SLC30A3: variants seen among roughly 807,000 people sequenced by gnomAD.
SLC30A3 encodes probable proton-coupled zinc antiporter SLC30A3.
SLC30A3 carries 20 observed loss-of-function variants against 35.6 expected under a neutral mutation model. The observed-to-expected ratio is 0.56, with a 90% CI of 0.39 to 0.82. The LOEUF (loss-of-function observed/expected upper bound fraction) is 0.82, where lower values mean the gene tolerates loss of function less well. Among genes scored for constraint, SLC30A3 ranks in the 40% least tolerant of loss-of-function variants. SLC30A3 has a pLI of 0.00. For synonymous variants in SLC30A3, 217 were observed against 224.7 expected (o/e 0.97, Z 0.31); for missense variants, 401 against 530.6 (o/e 0.76, Z 2.40).
At position 27,257,367 on chromosome 2, in the gene SLC30A3, G is replaced by A; in HGVS notation, c.579-15C>T. Reference sequence around the variant, plus strand: ...CAAAGGCCATTCTGAGGGGTAAGCAGAGCACCTCAGCCTAGGGCCCTGCTC... The same window carrying A: ...CAAAGGCCATTCTGAGGGGTAAGCAAAGCACCTCAGCCTAGGGCCCTGCTC... On this transcript the variant is annotated splice_polypyrimidine_tract_variant and intron_variant, in intron 4 of 7. Coordinates refer to ENST00000233535, the MANE Select transcript of SLC30A3 (RefSeq NM_003459.5). The surrounding 1 kb of genome is among the most constrained non-coding windows in gnomAD (Gnocchi z 4.7). 1.3e-6 allele frequency: 2 copies of A among 1,596,076 alleles called. No individual in the cohort carries two copies. The highest frequency in any genetic ancestry group is 3.5e-5 in the Admixed American group (2 of 57,312).
chr2:27,258,831 G>A lies in SLC30A3; in HGVS notation c.199C>T (p.Pro67Ser). ...TGCCTCCGTGCATGCAGCCTCTCAG[G>A]GGTAAGGCCCGGCGGCGGAAGGGGG... ...RDPLPPPGLT[P>S]ERLHARRQLY... Residue 67 changes from proline to serine, a missense_variant, in exon 2 of 8, where the codon CCT (proline) becomes TCT (serine). Pro to Ser is a moderately conservative substitution (Grantham distance 74). Coordinates refer to ENST00000233535, the MANE Select transcript of SLC30A3 (RefSeq NM_003459.5). This position sits in a 1 kb window ranked among gnomAD's most constrained non-coding sequence, Gnocchi z 4.0. 6.2e-7 allele frequency: 1 copy of A among 1,614,232 alleles called. No homozygotes were observed. Among genetic ancestry groups the A allele is most frequent in the Non-Finnish European group, 8.5e-7 (1 of 1,180,030 alleles).
Position 27,262,804 on chromosome 2 carries a change from T to C in SLC30A3, c.95+8A>G. ...CCCGGGCCGAGGGCCAGCCCAGGTC[T>C]GTCCTACCTCTTCAAACGCAGGCTG... On this transcript the variant is annotated splice_region_variant and intron_variant, in intron 1 of 7. Transcript: ENST00000233535. The surrounding 1 kb of genome is among the most constrained non-coding windows in gnomAD (Gnocchi z 7.5). The C allele has an allele frequency of 6.4e-7, 1 of 1,558,876 alleles. No individual in the cohort carries two copies. The highest frequency in any genetic ancestry group is 8.6e-7 in the Non-Finnish European group (1 of 1,158,016).
chr2:27,260,884 C>T (rs535728822), intron 1 of SLC30A3, among the ~76,000 whole-genome samples: 6 of 152,234 alleles, frequency 3.9e-5, no homozygotes, highest in South Asian at 2.1e-4. Flanking sequence ...GCTGTGAAAC[C>T]GATCCTCATT....
chr2:27,258,094 T>C lies in SLC30A3; in HGVS notation c.425-36A>G, dbSNP rs747811912. ...GGGGGGAGACAAGCTGTCAGAGACCTGCTTGGGACCCTGACGGGTGCCCTC... is the reference window on the plus strand; with the variant it reads ...GGGGGGAGACAAGCTGTCAGAGACCCGCTTGGGACCCTGACGGGTGCCCTC... On this transcript the variant is annotated intron_variant, in intron 3 of 7. Transcript: ENST00000233535. This position sits in a 1 kb window ranked among gnomAD's most constrained non-coding sequence, Gnocchi z 4.0. 1 of 1,611,344 alleles carries C rather than the reference T, an allele frequency of 6.2e-7. No individual in the cohort carries two copies. The highest frequency in any genetic ancestry group is 1.1e-5 in the South Asian group (1 of 91,028).
chr2:27,255,248 A>G lies in SLC30A3; in HGVS notation c.*64T>C, dbSNP rs902577359. Reference sequence around the variant, plus strand: ...TCGGTCCCGTCTCTGTGATCAGGGCAGCAGATGCTGAGAGTCTGGGGCTGA... The same window carrying G: ...TCGGTCCCGTCTCTGTGATCAGGGCGGCAGATGCTGAGAGTCTGGGGCTGA... On this transcript the variant is annotated 3_prime_UTR_variant, in exon 8 of 8. Coordinates refer to ENST00000233535, the MANE Select transcript of SLC30A3 (RefSeq NM_003459.5). The surrounding 1 kb of genome is among the most constrained non-coding windows in gnomAD (Gnocchi z 5.2). 1 of 1,610,250 alleles carries G rather than the reference A, an allele frequency of 6.2e-7. No individual in the cohort carries two copies. Among genetic ancestry groups the G allele is most frequent in the Non-Finnish European group, 8.5e-7 (1 of 1,178,076 alleles).
upstream of SLC30A3, chr2:27,263,164 G>A (rs751008812): frequency 9.6e-7 from 1 of 1,040,344 alleles, no homozygotes. Flanking sequence ...CTTAAGCCCC[G>A]CCCCCACTGC....
upstream of SLC30A3, among the ~76,000 whole-genome samples, chr2:27,264,677 G>A (rs185067041): frequency 3.0e-4 from 45 of 148,766 alleles, no homozygotes; most frequent in East Asian, 8.3e-3. The surrounding 1 kb of genome is among the most constrained non-coding windows in gnomAD (Gnocchi z 6.1). Flanking sequence ...AAGCCCATGA[G>A]GGGTGAGGGG....
chr2:27,263,516 G>C (rs1488124748), upstream of SLC30A3: 1 of 288,030 alleles, frequency 3.5e-6, no homozygotes, highest in Non-Finnish European at 7.3e-6. Context: ...GGAGATTCCA[G>C]GGACTCCAGA....
Position 27,257,785 on chromosome 2 carries a change from T to C in SLC30A3, c.578+120A>G, listed in dbSNP as rs1676949083. 3.0e-6 allele frequency: 3 copies of C among 1,009,782 alleles called. No homozygotes were observed. Among genetic ancestry groups the C allele is most frequent in the East Asian group, 2.6e-5 (1 of 38,196 alleles). 62.6% of individuals were successfully genotyped at this position (1,009,782 alleles called of 1,614,324 possible). ...TCTCAGGCACACGCAGGGCAGCCCA[T>C]GGAGAGCTGTGTGTGCGTGTCTGTG... is the stretch of plus-strand genomic sequence containing the variant. On this transcript the variant is annotated intron_variant, in intron 4 of 7. Coordinates refer to ENST00000233535, the MANE Select transcript of SLC30A3 (RefSeq NM_003459.5). This position sits in a 1 kb window ranked among gnomAD's most constrained non-coding sequence, Gnocchi z 4.7.
chr2:27,261,060 C>T (rs1019465748), intron 1 of SLC30A3, among the ~76,000 whole-genome samples: 1 of 152,080 alleles, frequency 6.6e-6, no homozygotes, highest in South Asian at 2.1e-4. Context: ...ACAGCGGGCT[C>T]GGAGAACTTC....
chr2:27,275,121 C>G, intron 1 of SLC30A3: 1 of 1,210,048 alleles, frequency 8.3e-7, no homozygotes. Context: ...GCCCTAAGTC[C>G]TGAAGACAAC....
Position 27,255,324 on chromosome 2 carries a change from G to A in SLC30A3, c.1155C>T (p.Pro385=). ...GCAGGGCCATGGCTCAGGCTTGGGGGGGTTCCTGGCAGCGCAGGCACTGGG... is the reference window on the plus strand; with the variant it reads ...GCAGGGCCATGGCTCAGGCTTGGGGAGGTTCCTGGCAGCGCAGGCACTGGG... The part of the protein sequence containing the change: ...EMAQCLRCQE[P]PQA Residue 385 remains proline (P), a synonymous_variant, in exon 8 of 8, where the codon CCC becomes CCT. Transcript: ENST00000233535. This position sits in a 1 kb window ranked among gnomAD's most constrained non-coding sequence, Gnocchi z 5.2. 1 of 1,614,096 alleles carries A rather than the reference G, an allele frequency of 6.2e-7. No individual in the cohort carries two copies. Among genetic ancestry groups the A allele is most frequent in the Non-Finnish European group, 8.5e-7 (1 of 1,180,020 alleles).
chr2:27,262,822 G>T lies in SLC30A3; in HGVS notation c.85C>A (p.Arg29Ser), dbSNP rs137864061. ...RDRGGAGGSLRLKSLFTEPSE... is the reference protein window; with the variant it reads ...RDRGGAGGSLSLKSLFTEPSE... ...CCAGGTCTGTCCTACCTCTTCAAAC[G>T]CAGGCTGCCTCCGGCGCCACCGCGG... is the stretch of plus-strand genomic sequence containing the variant. Residue 29 changes from arginine to serine, a missense_variant, in exon 1 of 8, where the codon CGT becomes AGT. Arg to Ser is a moderately radical substitution (Grantham distance 110, BLOSUM62 -1). Transcript: ENST00000233535. This position sits in a 1 kb window ranked among gnomAD's most constrained non-coding sequence, Gnocchi z 7.5. 2 of 1,566,894 alleles carry T rather than the reference G, an allele frequency of 1.3e-6. No individual in the cohort carries two copies. Among genetic ancestry groups the T allele is most frequent in the African/African-American group, 1.4e-5 (1 of 70,276 alleles).
rs1677739924 is a variant in SLC30A3, at chr2:27,271,875, CTG to C, written c.-159+3300_-159+3301del. 6.6e-6 allele frequency among the ~76,000 whole-genome samples: 1 copy of C among 152,232 alleles called. No individual in the cohort carries two copies. Among genetic ancestry groups the C allele is most frequent in the African/African-American group, 2.4e-5 (1 of 41,470 alleles). Reference sequence around the variant, plus strand: ...TAACGGCTATTTCAAGAGCCATGAACTGTGATTAGTTAGAATGTCAGAGGGCC... The same window carrying C: ...TAACGGCTATTTCAAGAGCCATGAACTGATTAGTTAGAATGTCAGAGGGCC... On this transcript the variant is annotated intron_variant, in intron 1 of 5. Transcript: ENST00000424577. The surrounding 1 kb of genome is among the most constrained non-coding windows in gnomAD (Gnocchi z 4.3).
intron 1 of SLC30A3, among the ~76,000 whole-genome samples, chr2:27,259,237 GT>G (rs1480532131): frequency 6.6e-6 from 1 of 152,176 alleles, no homozygotes; most frequent in East Asian, 1.9e-4. Flanking sequence ...GCTCACACCT[GT>G]AATCCCAGCA....
upstream of SLC30A3, among the ~76,000 whole-genome samples, chr2:27,265,900 G>A (rs1319114152): frequency 6.6e-6 from 1 of 152,150 alleles, no homozygotes; most frequent in Non-Finnish European, 1.5e-5. The surrounding 1 kb of genome is among the most constrained non-coding windows in gnomAD (Gnocchi z 5.9). Flanking sequence ...TAGTTGAGTG[G>A]AAGCAGGATG....
At chr2:27,269,208 C>CTTTTTTT (rs368309600) in intron 1 of SLC30A3, among the ~76,000 whole-genome samples, 1 of 127,914 alleles carries the variant, frequency 7.8e-6, no homozygotes, top group Admixed American at 8.3e-5. Context: ...CTTTTTCTTT[C>CTTTTTTT]TTTTTTTTTT....
At position 27,262,812 on chromosome 2, in the gene SLC30A3, C is replaced by T. The variant is rs1285387509; in HGVS notation, c.95G>A (p.Ser32Asn). The change falls in exon 1 of 8, where the codon AGT (serine) becomes AAT (asparagine). Residue 32 changes from serine (S) to asparagine (N), a missense_variant and splice_region_variant. By Grantham distance (46) the Ser-to-Asn change is conservative (BLOSUM62 1). This residue lies in a region of SLC30A3 where 103 missense variants were observed against 120.7 expected (regional missense o/e 0.85). Transcript: ENST00000233535. The surrounding 1 kb of genome is among the most constrained non-coding windows in gnomAD (Gnocchi z 7.5). ...GGAGGSLRLK[S>N]LFTEPSEPLP... ...GAGGGCCAGCCCAGGTCTGTCCTAC[C>T]TCTTCAAACGCAGGCTGCCTCCGGC... 1.3e-6 allele frequency: 2 copies of T among 1,568,150 alleles called. No homozygotes were observed. Among genetic ancestry groups the T allele is most frequent in the African/African-American group, 1.4e-5 (1 of 70,400 alleles).
chr2:27,265,407 T>A (rs1384193483), upstream of SLC30A3, among the ~76,000 whole-genome samples: 1 of 152,228 alleles, frequency 6.6e-6, no homozygotes, highest in Non-Finnish European at 1.5e-5. The surrounding 1 kb of genome is among the most constrained non-coding windows in gnomAD (Gnocchi z 5.9). Context: ...CTCAAAGAGC[T>A]ATCAAATGGC....
Sources: allele counts gnomAD v4.1 joint callset (sites outside exome capture counted in the v4.1 genomes callset), GRCh38; gene constraint gnomAD v4.1.1; regional missense constraint gnomAD v4.1.1; non-coding constraint Gnocchi (gnomAD v3.1); transcripts MANE v1.5; gene names NCBI Gene and HGNC (gene_info 2026-07-23, HGNC 2026-07-21).